The following MYO16 variants were observed in gnomAD, a reference collection of about 807,000 sequenced individuals.
MYO16 encodes myosin XVI.
MYO16 carries 94 observed loss-of-function variants against 205.3 expected under a neutral mutation model. That is an observed-to-expected ratio of 0.46 (90% CI 0.39 to 0.54). MYO16 has a LOEUF of 0.54. Ranked by LOEUF, MYO16 falls within the 20% of genes least tolerant of loss-of-function variation. The pLI is 0.00. For missense variants in MYO16, 2,315 were observed against 2,387.5 expected, an observed-to-expected ratio of 0.97 and a Z score of 0.63; for synonymous variants, 988 against 954.0, an observed-to-expected ratio of 1.04 and a Z score of -0.66.
intron 16 of MYO16, among the ~76,000 whole-genome samples, chr13:108,951,891 G>A (rs1566428970): frequency 6.6e-6 from 1 of 152,014 alleles, no homozygotes; most frequent in East Asian, 1.9e-4. Context: ...ATCACCTGAG[G>A]TCAGGAGTTT....
At chr13:108,676,495 T>C (rs1882217932) in intron 2 of MYO16, among the ~76,000 whole-genome samples, 1 of 152,098 alleles carries the variant, frequency 6.6e-6, no homozygotes, top group African/African-American at 2.4e-5. Flanking sequence ...TAAAAATTTA[T>C]GTCTACTGAG....
At chr13:109,186,717 T>C (rs190521766) in intron 34 of MYO16, among the ~76,000 whole-genome samples, 113 of 152,242 alleles carry the variant, frequency 7.4e-4, no homozygotes, top group African/African-American at 2.5e-3. Flanking sequence ...CATATAAATG[T>C]GGTCATGGCA....
chr13:108,672,698 AAATTT>A (rs1302133651), intron 2 of MYO16, among the ~76,000 whole-genome samples: 2 of 152,188 alleles, frequency 1.3e-5, no homozygotes, highest in African/African-American at 2.4e-5. Context: ...AAACTGTCCT[AAATTT>A]TCTTTTAAGG....
At chr13:108,652,172 T>C (rs971241361) in intron 1 of MYO16, among the ~76,000 whole-genome samples, 2 of 151,510 alleles carry the variant, frequency 1.3e-5, no homozygotes, top group African/African-American at 2.4e-5. Flanking sequence ...CGCGCATGTG[T>C]GCGCGTGTGT....
chr13:108,577,328 TAGAG>T, the MYO16 span, among the ~76,000 whole-genome samples: 3 of 152,200 alleles, frequency 2.0e-5, no homozygotes, highest in Non-Finnish European at 4.4e-5. Context: ...ATCTGGCTAT[TAGAG>T]AGCCTCAATG....
At chr13:108,861,979 T>C (rs919459005) in intron 11 of MYO16, among the ~76,000 whole-genome samples, 1 of 152,206 alleles carries the variant, frequency 6.6e-6, no homozygotes, top group Non-Finnish European at 1.5e-5. Context: ...TGTGACCTGT[T>C]TAAGAAAGCT....
intron 16 of MYO16, among the ~76,000 whole-genome samples, chr13:108,954,527 G>T (rs1200152007): frequency 6.6e-6 from 1 of 152,112 alleles, no homozygotes; most frequent in Admixed American, 6.5e-5. Context: ...GACTGCTTGG[G>T]ATCAGGAGTT....
intron 29 of MYO16, among the ~76,000 whole-genome samples, chr13:109,124,100 G>A (rs1406776713): frequency 6.6e-6 from 1 of 152,158 alleles, no homozygotes; most frequent in Non-Finnish European, 1.5e-5. Flanking sequence ...TGCTGGCCTT[G>A]TACACACTCA....
the MYO16 span, among the ~76,000 whole-genome samples, chr13:108,516,894 CT>C: frequency 1.3e-5 from 2 of 151,582 alleles, no homozygotes; most frequent in African/African-American, 4.9e-5. Context: ...ATTTTGTTTT[CT>C]TTTTTTTCTG....
chr13:109,107,135 CAGAG>C (rs953645362), intron 28 of MYO16, among the ~76,000 whole-genome samples: 3 of 152,180 alleles, frequency 2.0e-5, no homozygotes, highest in East Asian at 1.9e-4. Context: ...GTAAAAGAGA[CAGAG>C]AGAGAGGCTC....
At chr13:109,084,244 G>A (rs1888368715) in intron 27 of MYO16, among the ~76,000 whole-genome samples, 1 of 152,158 alleles carries the variant, frequency 6.6e-6, no homozygotes, top group Non-Finnish European at 1.5e-5. Flanking sequence ...CAGTAGCCTA[G>A]AGAAGCAATG....
intron 7 of MYO16, among the ~76,000 whole-genome samples, chr13:108,811,963 T>C (rs1887307714): frequency 6.6e-6 from 1 of 152,218 alleles, no homozygotes; most frequent in Non-Finnish European, 1.5e-5. Flanking sequence ...TAGCACCATT[T>C]ATAAGTCCCC....
At chr13:108,626,675 G>C (rs183140003), upstream of MYO16, among the ~76,000 whole-genome samples, 1 of 151,738 alleles carries the variant, frequency 6.6e-6, no homozygotes, top group African/African-American at 2.4e-5. Flanking sequence ...ATGGTAGTGG[G>C]TGCCTGTAAT....
At chr13:108,566,738 GAA>G in the MYO16 span, among the ~76,000 whole-genome samples, 19 of 7,482 alleles carry the variant, frequency 2.5e-3, no homozygotes, top group African/African-American at 5.8e-3. Flanking sequence ...AGGAAGGGAG[GAA>G]GGAAGGAAGG....
chr13:108,896,920 C>T (rs58602079), intron 14 of MYO16, among the ~76,000 whole-genome samples: 15,820 of 151,404 alleles, frequency 0.1, 1,272 homozygotes, highest in East Asian at 0.38. Context: ...TGCAGTAAGC[C>T]GAGATCACAC....
intron 23 of MYO16, among the ~76,000 whole-genome samples, chr13:109,030,690 C>T (rs1348478550): frequency 1.3e-5 from 2 of 152,116 alleles, no homozygotes; most frequent in Non-Finnish European, 2.9e-5. Context: ...GATCTCCACT[C>T]TATTTCTGCT....
At chr13:108,821,377 T>C (rs1875963007) in intron 8 of MYO16, among the ~76,000 whole-genome samples, 1 of 152,190 alleles carries the variant, frequency 6.6e-6, no homozygotes, top group Non-Finnish European at 1.5e-5. Context: ...AAACAGAAAT[T>C]TTACACAGCT....
At chr13:108,897,895 T>A in intron 14 of MYO16, 121 bp from the exon 15 acceptor site, 2 of 794,386 alleles carry the variant, frequency 2.5e-6, no homozygotes, top group Admixed American at 2.4e-5. Flanking sequence ...AATATAGCAT[T>A]CTATGAGCAG....
chr13:108,524,270 A>G, the MYO16 span, among the ~76,000 whole-genome samples: 2 of 151,502 alleles, frequency 1.3e-5, no homozygotes, highest in Non-Finnish European at 2.9e-5. Flanking sequence ...ACTGCACTCC[A>G]CTCCAGCCTC....
Sources: allele counts gnomAD v4.1 joint callset (sites outside exome capture counted in the v4.1 genomes callset), GRCh38; gene constraint gnomAD v4.1.1; transcripts MANE v1.5; gene names NCBI Gene and HGNC (gene_info 2026-07-23, HGNC 2026-07-21).